POLA1: variants seen among roughly 807,000 people sequenced by gnomAD.
The protein encoded by POLA1 is DNA polymerase alpha 1, catalytic subunit.
POLA1 carries 15 observed loss-of-function variants against 124.0 expected under a neutral mutation model. That is an observed-to-expected ratio of 0.12 (90% CI 0.08 to 0.19). The LOEUF (loss-of-function observed/expected upper bound fraction) is 0.19, where lower values mean the gene tolerates loss of function less well. Ranked by LOEUF, POLA1 falls within the 10% of genes least tolerant of loss-of-function variation. The pLI, the probability that POLA1 is intolerant of heterozygous loss-of-function variation, is 1.00. For synonymous variants in POLA1, 408 were observed against 389.4 expected (o/e 1.05, Z -0.56); for missense variants, 886 against 1,103.4 (o/e 0.80, Z 2.79).
At chrX:24,846,907 T>G (rs1569336587) in intron 34 of POLA1, among the ~76,000 whole-genome samples, 1 of 112,278 alleles carries the variant, frequency 8.9e-6, no homozygotes, top group Non-Finnish European at 1.9e-5. Flanking sequence ...TGACAAAGCA[T>G]TTGTGTTAAT....
At chrX:24,839,286 C>T (rs939053820) in intron 32 of POLA1, among the ~76,000 whole-genome samples, 1 of 111,307 alleles carries the variant, frequency 9.0e-6, no homozygotes, top group African/African-American at 3.3e-5. Context: ...GAAGCTCCTT[C>T]CCCTGGGGAA....
intron 26 of POLA1, among the ~76,000 whole-genome samples, chrX:24,808,218 C>A (rs1436859427): frequency 8.9e-6 from 1 of 111,912 alleles, no homozygotes; most frequent in Non-Finnish European, 1.9e-5. Flanking sequence ...TTAGCTTGCA[C>A]CCTAGGCATG....
chrX:24,840,710 T>A (rs897982758), intron 32 of POLA1, among the ~76,000 whole-genome samples: 2 of 112,424 alleles, frequency 1.8e-5, no homozygotes, highest in Non-Finnish European at 3.8e-5. Context: ...AATAAGATAG[T>A]TTTCTCTTAG....
At chrX:24,905,373 G>T (rs1174116308) in intron 35 of POLA1, among the ~76,000 whole-genome samples, 1 of 74,448 alleles carries the variant, frequency 1.3e-5, no homozygotes, top group Non-Finnish European at 2.3e-5. Flanking sequence ...GATAGAACCA[G>T]GAAAATCCTA....
Position 24,814,974 on chromosome X carries a change from T to TTTTTA in POLA1, c.3297-5_3297-4insTTTTA. 2.8e-6 allele frequency: 3 copies of TTTTTA among 1,088,922 alleles called. No individual in the cohort carries two copies. The highest frequency in any genetic ancestry group is 3.6e-6 in the Non-Finnish European group (3 of 832,990). The allele number at this position is 1,088,922 out of a possible 1,213,427, so 89.7% of individuals were successfully genotyped here. Reference sequence around the variant, plus strand: ...TTTGTTTTGTTTTTTTTTTTTTTTTTGCAGCTTTGTGATTGGCCAGATTCT... The same window carrying TTTTTA: ...TTTGTTTTGTTTTTTTTTTTTTTTTTTTTTAGCAGCTTTGTGATTGGCCAGATTCT... On this transcript the variant is annotated splice_region_variant and splice_polypyrimidine_tract_variant and intron_variant, in intron 29 of 36. Transcript: ENST00000379068.
chrX:24,852,516 G>A (rs1169417278), intron 34 of POLA1, among the ~76,000 whole-genome samples: 1 of 110,626 alleles, frequency 9.0e-6, no homozygotes, highest in Non-Finnish European at 1.9e-5. Context: ...CTCCATGTTG[G>A]TCAGGCTGAT....
chrX:24,757,444 T>C (rs1283567670), intron 26 of POLA1, among the ~76,000 whole-genome samples: 1 of 96,286 alleles, frequency 1.0e-5, no homozygotes, highest in Admixed American at 1.1e-4. Flanking sequence ...AACTTTTTTT[T>C]TTTTTTTTTT....
Position 24,707,058 on chromosome X carries a change from T to C in POLA1, c.346+2589T>C, listed in dbSNP as rs140253438. ...TTCCTGGTTCTGCCAACCTGTATAA[T>C]GTGGAAATTTTCTACACTGGTACCA... is the stretch of plus-strand genomic sequence containing the variant. On this transcript the variant is annotated intron_variant, in intron 4 of 36. Transcript: ENST00000379068. Among the ~76,000 whole-genome samples the C allele has an allele frequency of 5.8e-4, 65 of 112,392 alleles. 1 individual carries two copies. Among genetic ancestry groups the C allele is most frequent in the African/African-American group, 1.9e-3 (60 of 30,964 alleles).
Position 24,711,314 on chromosome X carries a change from A to G in POLA1, c.347-3240A>G, listed in dbSNP as rs151282222. Reference sequence around the variant, plus strand: ...TCTTTCTTAAACAAAAGATAATGTTATAGAGGTTTTGTACTTTGCTTTTTT... The same window carrying G: ...TCTTTCTTAAACAAAAGATAATGTTGTAGAGGTTTTGTACTTTGCTTTTTT... On this transcript the variant is annotated intron_variant, in intron 4 of 36. Coordinates refer to ENST00000379068, the MANE Select transcript of POLA1 (RefSeq NM_001330360.2). Among the ~76,000 whole-genome samples the G allele has an allele frequency of 1.4e-3, 153 of 112,554 alleles. 1 individual carries two copies. In the East Asian group the frequency reaches 0.04, roughly 30 times the overall value.
chrX:24,969,471 A>G (rs1198655648), intron 36 of POLA1, among the ~76,000 whole-genome samples: 1 of 110,665 alleles, frequency 9.0e-6, no homozygotes. Context: ...TATACCTGGA[A>G]CAGTACTCTT....
intron 24 of POLA1, among the ~76,000 whole-genome samples, chrX:24,746,056 T>G (rs905840184): frequency 9.0e-6 from 1 of 111,649 alleles, no homozygotes; most frequent in African/African-American, 3.3e-5. Flanking sequence ...TTTTGTAATT[T>G]TTTTTAATAC....
chrX:24,906,848 C>T (rs960883218), intron 35 of POLA1, among the ~76,000 whole-genome samples: 7 of 111,037 alleles, frequency 6.3e-5, no homozygotes, highest in East Asian at 5.6e-4. Flanking sequence ...AGAATGGAGA[C>T]GACAGGAGAA....
At chrX:24,935,803 G>A (rs188646641) in intron 36 of POLA1, among the ~76,000 whole-genome samples, 91 of 112,238 alleles carry the variant, frequency 8.1e-4, no homozygotes, top group African/African-American at 2.9e-3. Flanking sequence ...GTCCTTTCAC[G>A]TGTGTAACAC....
intron 26 of POLA1, among the ~76,000 whole-genome samples, chrX:24,791,871 T>A (rs1168601185): frequency 1.8e-5 from 2 of 112,125 alleles, no homozygotes; most frequent in East Asian, 2.8e-4. Flanking sequence ...ATTTAGCAAA[T>A]TTAGGATTAT....
chrX:24,875,442 G>A (rs937385783), intron 34 of POLA1, among the ~76,000 whole-genome samples: 1 of 111,690 alleles, frequency 9.0e-6, no homozygotes, highest in African/African-American at 3.3e-5. Flanking sequence ...TGGTAAATTT[G>A]GAGTGAACTA....
chrX:24,740,828 A>G (rs1229420197), intron 20 of POLA1, among the ~76,000 whole-genome samples: 2 of 111,945 alleles, frequency 1.8e-5, no homozygotes, highest in African/African-American at 6.5e-5. Flanking sequence ...ACTGTTTCCT[A>G]ACAAAAATTT....
chrX:24,869,487 A>G (rs1163717955), intron 34 of POLA1, among the ~76,000 whole-genome samples: 2 of 112,104 alleles, frequency 1.8e-5, no homozygotes, highest in Non-Finnish European at 3.8e-5. Flanking sequence ...ACCTCCTGCA[A>G]GGAGGGCACA....
intron 4 of POLA1, among the ~76,000 whole-genome samples, chrX:24,706,152 C>T (rs1895691945): frequency 8.9e-6 from 1 of 112,264 alleles, no homozygotes; most frequent in South Asian, 3.7e-4. Flanking sequence ...GCTTCAGACT[C>T]ATGTATTTCT....
intron 35 of POLA1, among the ~76,000 whole-genome samples, chrX:24,911,198 A>C (rs2047444323): frequency 8.9e-6 from 1 of 112,110 alleles, no homozygotes; most frequent in African/African-American, 3.2e-5. Flanking sequence ...TGAAAATATC[A>C]GACAGTGAAA....
Sources: allele counts gnomAD v4.1 joint callset (sites outside exome capture counted in the v4.1 genomes callset), GRCh38; gene constraint gnomAD v4.1.1; transcripts MANE v1.5; gene names NCBI Gene and HGNC (gene_info 2026-07-23, HGNC 2026-07-21).